The following GPR160 variants were observed in gnomAD, a reference collection of about 807,000 sequenced individuals.
GPR160 encodes probable G protein-coupled receptor 160.
GPR160 carries 2 observed loss-of-function variants against 2.6 expected under a neutral mutation model. That is an observed-to-expected ratio of 0.77 (90% CI 0.32 to 2.44). The LOEUF is 2.44. Among genes scored for constraint, GPR160 ranks in the 30% most tolerant of loss-of-function variants. The probability of loss-of-function intolerance (pLI) is 0.11; values close to 1 mark genes in which losing one functional copy is unlikely to be tolerated. For synonymous variants in GPR160, 130 were observed against 132.2 expected (o/e 0.98, Z 0.12); for missense variants, 351 against 383.6 (o/e 0.91, Z 0.71).
intron 2 of GPR160, among the ~76,000 whole-genome samples, chr3:170,042,147 G>A (rs768794551): frequency 1.3e-5 from 2 of 152,278 alleles, no homozygotes; most frequent in East Asian, 1.9e-4. Context: ...CCTGTGAGGC[G>A]AAGCAGTGGT....
intron 2 of GPR160, among the ~76,000 whole-genome samples, chr3:170,065,199 G>A (rs1219932754): frequency 6.6e-6 from 1 of 152,090 alleles, no homozygotes; most frequent in Non-Finnish European, 1.5e-5. Context: ...AATGAGTATC[G>A]TACATTACAA....
At chr3:170,060,901 A>G (rs1711904285) in intron 2 of GPR160, among the ~76,000 whole-genome samples, 1 of 152,248 alleles carries the variant, frequency 6.6e-6, no homozygotes, top group Admixed American at 6.5e-5. Context: ...TTCTTGCCAG[A>G]AATGTTTAAT....
chr3:170,045,447 A>AAAAAAAC (rs71176546), intron 2 of GPR160, among the ~76,000 whole-genome samples: 3 of 117,352 alleles, frequency 2.6e-5, no homozygotes, highest in African/African-American at 3.4e-5. Context: ...AAAAAAAAAA[A>AAAAAAAC]CCAATTAGCC....
Position 170,084,149 on chromosome 3 carries a change from C to A in GPR160, c.177C>A (p.Cys59Ter). The A allele has an allele frequency of 1.3e-6, 2 of 1,590,306 alleles. No individual in the cohort carries two copies. Among genetic ancestry groups the A allele is most frequent in the South Asian group, 1.1e-5 (1 of 87,196 alleles). ...GTCAAAATTTTATGGAATATTTTTG[C>A]ATTTCACTAGCATTCGTTGATCTTT... ...NTCQNFMEYF[C>*]ISLAFVDLLL... Residue 59 changes from cysteine (C) to a stop codon, truncating the protein, a stop_gained, in exon 4 of 4, where the codon TGC becomes TGA. Transcript: ENST00000355897. LOFTEE classifies it low-confidence loss of function (END_TRUNC).
At chr3:170,083,042 T>G (rs1343245069) in intron 3 of GPR160, among the ~76,000 whole-genome samples, 1 of 151,984 alleles carries the variant, frequency 6.6e-6, no homozygotes, top group Non-Finnish European at 1.5e-5. Context: ...AGTAGTATTG[T>G]AGAAATAAGT....
At chr3:170,077,064 GT>G (rs1712891360) in intron 2 of GPR160, 1 of 152,152 alleles carries the variant, frequency 6.6e-6, no homozygotes, top group African/African-American at 2.4e-5. Flanking sequence ...TTTTATGACT[GT>G]TGTTAAGAAT....
chr3:170,074,069 G>C (rs1034852396), intron 2 of GPR160, among the ~76,000 whole-genome samples: 2 of 151,608 alleles, frequency 1.3e-5, no homozygotes, highest in African/African-American at 2.4e-5. Context: ...TGAATTTTTA[G>C]TAGAGACGGG....
At chr3:170,074,348 ATTTC>A (rs1171659289) in intron 2 of GPR160, among the ~76,000 whole-genome samples, 24 of 151,900 alleles carry the variant, frequency 1.6e-4, no homozygotes, top group Non-Finnish European at 2.6e-4. Flanking sequence ...AATTTTGGTA[ATTTC>A]TTTCTTAATT....
chr3:170,084,170 T>C lies in GPR160; in HGVS notation c.198T>C (p.Asp66=), dbSNP rs780774360. Residue 66 remains aspartate (D), a synonymous_variant, in exon 4 of 4, where the codon GAT becomes GAC. Coordinates refer to ENST00000355897, the MANE Select transcript of GPR160 (RefSeq NM_014373.3). The part of the protein sequence containing the change: ...EYFCISLAFV[D]LLLLVNISII... ...TTTGCATTTCACTAGCATTCGTTGA[T>C]CTTTTACTTTTGGTAAACATTTCCA... 4 of 1,591,222 alleles carry C rather than the reference T, an allele frequency of 2.5e-6. No individual in the cohort carries two copies. Among genetic ancestry groups the C allele is most frequent in the Middle Eastern group, 3.4e-4 (2 of 5,966 alleles).
chr3:170,064,991 C>G (rs536395688), intron 2 of GPR160, among the ~76,000 whole-genome samples: 90 of 152,138 alleles, frequency 5.9e-4, no homozygotes, highest in Non-Finnish European at 1.1e-3. Flanking sequence ...GTCTCTTCCC[C>G]CAGTCAGCCT....
chr3:170,069,836 A>G (rs1380856275), intron 2 of GPR160, among the ~76,000 whole-genome samples: 1 of 152,090 alleles, frequency 6.6e-6, no homozygotes, highest in Non-Finnish European at 1.5e-5. Context: ...ACAAACCACC[A>G]CAGGCTGGGT....
At chr3:170,060,063 C>A (rs1280997899) in intron 2 of GPR160, among the ~76,000 whole-genome samples, 2 of 151,678 alleles carry the variant, frequency 1.3e-5, no homozygotes, top group East Asian at 3.9e-4. Context: ...CTAAAAAAAA[C>A]AGGGCTCCTT....
At chr3:170,048,742 A>T (rs115045224) in intron 2 of GPR160, among the ~76,000 whole-genome samples, 1 of 152,222 alleles carries the variant, frequency 6.6e-6, no homozygotes, top group Non-Finnish European at 1.5e-5. Flanking sequence ...ATGTACCTCT[A>T]TTCTCACCAA....
chr3:170,042,264 A>C (rs1716483399), intron 2 of GPR160, among the ~76,000 whole-genome samples: 1 of 151,736 alleles, frequency 6.6e-6, no homozygotes, highest in South Asian at 2.1e-4. Flanking sequence ...AAGATAAATA[A>C]ATAAAAATTA....
At chr3:170,077,475 C>G (rs1712911902) in intron 2 of GPR160, 1 of 152,092 alleles carries the variant, frequency 6.6e-6, no homozygotes, top group Non-Finnish European at 1.5e-5. Context: ...TCTGAAAGGT[C>G]GGAAGGCTTC....
At chr3:170,058,136 T>C (rs1711734947) in intron 2 of GPR160, 1 of 152,102 alleles carries the variant, frequency 6.6e-6, no homozygotes, top group Non-Finnish European at 1.5e-5. Context: ...GTTAGAACAG[T>C]TTTGTATTAA....
chr3:170,082,365 G>A (rs1713176922), intron 3 of GPR160, among the ~76,000 whole-genome samples: 3 of 152,096 alleles, frequency 2.0e-5, no homozygotes, highest in African/African-American at 7.2e-5. Context: ...CTCCTATCCT[G>A]AGAAACATTT....
chr3:170,079,320 G>C (rs1713018890), intron 2 of GPR160, among the ~76,000 whole-genome samples: 2 of 152,180 alleles, frequency 1.3e-5, no homozygotes, highest in Admixed American at 1.3e-4. Flanking sequence ...CTGCTATTAA[G>C]CCAGACACTA....
At chr3:170,051,309 T>C (rs934020029) in intron 2 of GPR160, among the ~76,000 whole-genome samples, 1 of 152,212 alleles carries the variant, frequency 6.6e-6, no homozygotes, top group Admixed American at 6.5e-5. Context: ...ATCTATATCA[T>C]CTTTGATGAC....
Sources: gnomAD v4.1 joint callset for allele counts (sites outside exome capture counted in the v4.1 genomes callset) on GRCh38, gnomAD v4.1.1 for gene constraint, MANE v1.5 for transcripts, NCBI Gene and HGNC (gene_info 2026-07-23, HGNC 2026-07-21) for gene names.